NIPAL1: variants seen among roughly 807,000 people sequenced by gnomAD.
NIPAL1 encodes magnesium transporter NIPA3.
NIPAL1 carries 35 observed loss-of-function variants against 37.7 expected under a neutral mutation model. The observed-to-expected ratio is 0.93, with a 90% CI of 0.71 to 1.23. The LOEUF is 1.23. Ranked by LOEUF, NIPAL1 falls within the 50% of genes most tolerant of loss-of-function variation. The pLI, the probability that NIPAL1 is intolerant of heterozygous loss-of-function variation, is 0.00. For synonymous variants in NIPAL1, 162 were observed against 183.0 expected (o/e 0.89, Z 0.93); for missense variants, 412 against 473.9 (o/e 0.87, Z 1.21).
At chr4:48,019,313 C>T (rs1179688820) in intron 1 of NIPAL1, among the ~76,000 whole-genome samples, 1 of 152,228 alleles carries the variant, frequency 6.6e-6, no homozygotes, top group Non-Finnish European at 1.5e-5. Flanking sequence ...CCCCACCCCA[C>T]ATTGGTTTTG....
In NIPAL1 at chr4:48,027,389, G is replaced by C. The variant is rs558128826; in HGVS notation, c.313+2055G>C. Among the ~76,000 whole-genome samples the C allele has an allele frequency of 9.2e-5, 14 of 152,282 alleles. No individual in the cohort carries two copies. In the East Asian group the frequency reaches 2.7e-3, roughly 29 times the overall value. ...ACCAACTAGACAATAGTCAGGTTCA[G>C]TGTGGTAACATAATTCCAACTTAGT... On this transcript the variant is annotated intron_variant, in intron 2 of 5. Transcript: ENST00000295461. The surrounding 1 kb of genome is among the most constrained non-coding windows in gnomAD (Gnocchi z 4.1).
At position 48,027,505 on chromosome 4, in the gene NIPAL1, G is replaced by A. The variant is rs1715719340; in HGVS notation, c.313+2171G>A. ...ACCAACTAGACAATAGTCAGGTCCA[G>A]GGTTGTAATATAATTCCAAGTTAGT... On this transcript the variant is annotated intron_variant, in intron 2 of 5. Coordinates refer to ENST00000295461, the MANE Select transcript of NIPAL1 (RefSeq NM_207330.3). This position sits in a 1 kb window ranked among gnomAD's most constrained non-coding sequence, Gnocchi z 4.1. Among the ~76,000 whole-genome samples the A allele has an allele frequency of 6.6e-6, 1 of 152,150 alleles. No individual in the cohort carries two copies. The highest frequency in any genetic ancestry group is 2.4e-5 in the African/African-American group (1 of 41,438).
intron 2 of NIPAL1, among the ~76,000 whole-genome samples, chr4:48,028,496 T>A (rs1715743714): frequency 6.6e-6 from 1 of 152,052 alleles, no homozygotes; most frequent in Admixed American, 6.5e-5. Context: ...AGGAAAAACT[T>A]TTCTGGACAT....
In NIPAL1 at chr4:48,039,400, A is replaced by T. The variant is rs1393785995; in HGVS notation, c.*3228A>T. ...TTTCTAAGGAAGAATAAAATGCTGG[A>T]CCCCTATATTCAGACTATTAGTCTT... On this transcript the variant is annotated 3_prime_UTR_variant, in exon 6 of 6. Coordinates refer to ENST00000295461, the MANE Select transcript of NIPAL1 (RefSeq NM_207330.3). The T allele has an allele frequency of 6.6e-6, 1 of 152,042 alleles. No individual in the cohort carries two copies. The highest frequency in any genetic ancestry group is 1.5e-5 in the Non-Finnish European group (1 of 68,004). 9.4% of individuals were successfully genotyped at this position (152,042 alleles called of 1,614,324 possible). A position where few individuals can be genotyped will look rare whatever the true frequency, so the allele number is the denominator to read the frequency against.
chr4:48,036,358 G>T lies in NIPAL1; in HGVS notation c.*186G>T. The T allele has an allele frequency of 1.8e-6, 1 of 558,430 alleles. No homozygotes were observed. 34.6% of individuals were successfully genotyped at this position (558,430 alleles called of 1,614,324 possible). A position where few individuals can be genotyped will look rare whatever the true frequency, so the allele number is the denominator to read the frequency against. On this transcript the variant is annotated 3_prime_UTR_variant, in exon 6 of 6. Coordinates refer to ENST00000295461, the MANE Select transcript of NIPAL1 (RefSeq NM_207330.3). ...TGAAAATCAAATTGATTATCCTCCA[G>T]AATCTCTACAAACTTTGAAATACTC... is the stretch of plus-strand genomic sequence containing the variant.
chr4:48,037,688 C>T lies in NIPAL1; in HGVS notation c.*1516C>T, dbSNP rs1229612765. On this transcript the variant is annotated 3_prime_UTR_variant, in exon 6 of 6. Coordinates refer to ENST00000295461, the MANE Select transcript of NIPAL1 (RefSeq NM_207330.3). ...ATAGGATAGAAAGTTAACTTCCTGG[C>T]AAACAAAATACTAAGATCTCAGGGG... The T allele has an allele frequency of 6.6e-6, 1 of 152,270 alleles. No homozygotes were observed. Among genetic ancestry groups the T allele is most frequent in the African/African-American group, 2.4e-5 (1 of 41,430 alleles). 9.4% of individuals were successfully genotyped at this position (152,270 alleles called of 1,614,324 possible).
chr4:48,019,079 GGT>G (rs975250400), intron 1 of NIPAL1, among the ~76,000 whole-genome samples: 1 of 152,150 alleles, frequency 6.6e-6, no homozygotes, highest in Non-Finnish European at 1.5e-5. Context: ...GGCATGCAGT[GGT>G]GCAATTTCAG....
At position 48,034,955 on chromosome 4, in the gene NIPAL1, T is replaced by C. The variant is rs751266301; in HGVS notation, c.536T>C (p.Leu179Ser). The part of the protein sequence containing the change: ...HGKIGCILSI[L>S]GSTVMVIHAP... The stretch of plus-strand genomic sequence containing the variant: ...AAAATAGGCTGCATATTAAGTATAT[T>C]GGGGTCAACTGTGATGGTTATCCAT... Residue 179 changes from leucine (L) to serine (S), a missense_variant, in exon 5 of 6, where the codon TTG becomes TCG. By Grantham distance (145) the Leu-to-Ser change is moderately radical. Transcript: ENST00000295461. 6.2e-7 allele frequency: 1 copy of C among 1,611,878 alleles called. No individual in the cohort carries two copies. Among genetic ancestry groups the C allele is most frequent in the Non-Finnish European group, 8.5e-7 (1 of 1,178,042 alleles).
At chr4:48,024,059 G>A (rs1053820412) in intron 1 of NIPAL1, among the ~76,000 whole-genome samples, 1 of 144,170 alleles carries the variant, frequency 6.9e-6, no homozygotes, top group Non-Finnish European at 1.5e-5. Context: ...CACTGCAGCC[G>A]CCTCCTGGGT....
chr4:48,028,272 G>C (rs4695328), intron 2 of NIPAL1, among the ~76,000 whole-genome samples: 50,522 of 151,922 alleles, frequency 0.33, 8,636 homozygotes, highest in South Asian at 0.47. Flanking sequence ...AATAAAGCCA[G>C]ATACCTACAA....
In NIPAL1 at chr4:48,036,068, T is replaced by A; in HGVS notation, c.1129T>A (p.Ser377Thr). 1 of 1,609,438 alleles carries A rather than the reference T, an allele frequency of 6.2e-7. No individual in the cohort carries two copies. Among genetic ancestry groups the A allele is most frequent in the Non-Finnish European group, 8.5e-7 (1 of 1,178,996 alleles). ...ATCCACTGCTAAGAAAGAAGCCGTC[T>A]CTCTGAATGTCAATGAAAACAATTA... ...LTSTAKKEAV[S>T]LNVNENNYVL... Residue 377 changes from serine (S) to threonine (T), a missense_variant, in exon 6 of 6, where the codon TCT becomes ACT. Coordinates refer to ENST00000295461, the MANE Select transcript of NIPAL1 (RefSeq NM_207330.3).
chr4:48,019,041 G>A (rs967461186), intron 1 of NIPAL1, among the ~76,000 whole-genome samples: 4 of 151,844 alleles, frequency 2.6e-5, no homozygotes, highest in African/African-American at 4.8e-5. Flanking sequence ...GTTTTTTTGA[G>A]GCGGAGTGCC....
chr4:48,035,861 C>T lies in NIPAL1; in HGVS notation c.922C>T (p.Pro308Ser). 3 of 1,613,908 alleles carry T rather than the reference C, an allele frequency of 1.9e-6. No individual in the cohort carries two copies. The highest frequency in any genetic ancestry group is 1.7e-5 in the Admixed American group (1 of 60,020). ...LDTFNTSLVT[P>S]IYYVFFTSMV... ...CACCTTTAATACCTCTCTTGTGACACCCATTTATTATGTATTCTTCACATC... is the reference window on the plus strand; with the variant it reads ...CACCTTTAATACCTCTCTTGTGACATCCATTTATTATGTATTCTTCACATC... Residue 308 changes from proline (P) to serine (S), a missense_variant, in exon 6 of 6, where the codon CCC becomes TCC. Transcript: ENST00000295461.
intron 2 of NIPAL1, among the ~76,000 whole-genome samples, chr4:48,029,516 C>G (rs906293998): frequency 8.5e-5 from 13 of 152,058 alleles, no homozygotes; most frequent in Admixed American, 7.9e-4. Context: ...ACACTAAAGG[C>G]CAGACTTTAC....
At chr4:48,024,520 A>G (rs565482494) in intron 1 of NIPAL1, among the ~76,000 whole-genome samples, 1 of 152,290 alleles carries the variant, frequency 6.6e-6, no homozygotes, top group East Asian at 1.9e-4. Flanking sequence ...GGATCAAGCA[A>G]TCATCCCACC....
chr4:48,023,802 T>C (rs180925970), intron 1 of NIPAL1, among the ~76,000 whole-genome samples: 40 of 152,300 alleles, frequency 2.6e-4, no homozygotes, highest in Admixed American at 7.2e-4. Context: ...CCTAATGATA[T>C]TTAAATTCTT....
In NIPAL1 at chr4:48,034,864, T is replaced by A; in HGVS notation, c.462-17T>A. On this transcript the variant is annotated splice_polypyrimidine_tract_variant and intron_variant, in intron 4 of 5. Transcript: ENST00000295461. ...TAATTGAGCTATAGTGATTTTTAAT[T>A]TTTTCTCTCCCAACAGTGCAATATT... 14 of 1,603,382 alleles carry A rather than the reference T, an allele frequency of 8.7e-6. No individual in the cohort carries two copies. Among genetic ancestry groups the A allele is most frequent in the Non-Finnish European group, 1.2e-5 (14 of 1,172,794 alleles).
rs1460724963 is a variant in NIPAL1, at chr4:48,039,115, G to A, written c.*2943G>A. ...TAATCCCAGCACTTTGGGAGGCTGA[G>A]GCGGGTAGATCACAAGGACAGGAGT... On this transcript the variant is annotated 3_prime_UTR_variant, in exon 6 of 6. Coordinates refer to ENST00000295461, the MANE Select transcript of NIPAL1 (RefSeq NM_207330.3). 1 of 152,076 alleles carries A rather than the reference G, an allele frequency of 6.6e-6. No homozygotes were observed. The highest frequency in any genetic ancestry group is 1.9e-4 in the East Asian group (1 of 5,200). The allele number at this position is 152,076 out of a possible 1,614,324, so 9.4% of individuals were successfully genotyped here.
intron 2 of NIPAL1, among the ~76,000 whole-genome samples, chr4:48,026,161 A>G (rs1231303501): frequency 6.6e-6 from 1 of 152,222 alleles, no homozygotes; most frequent in Non-Finnish European, 1.5e-5. Flanking sequence ...TAGATTCTCA[A>G]GAACAGGAAC....
Sources: allele counts gnomAD v4.1 joint callset (sites outside exome capture counted in the v4.1 genomes callset), GRCh38; gene constraint gnomAD v4.1.1; non-coding constraint Gnocchi (gnomAD v3.1); transcripts MANE v1.5; gene names NCBI Gene and HGNC (gene_info 2026-07-23, HGNC 2026-07-21).